Variants in ECT2L observed in about 807,000 individuals in gnomAD.
The protein encoded by ECT2L is epithelial cell-transforming sequence 2 oncogene-like.
Under a neutral mutation model 122.8 loss-of-function variants are expected in ECT2L, and 126 were observed. The ratio of observed to expected loss-of-function variants is 1.03; its 90% CI spans 0.89 to 1.19. The LOEUF (loss-of-function observed/expected upper bound fraction) is 1.19, where lower values mean the gene tolerates loss of function less well. ECT2L is among the 50% of genes most tolerant of loss of function. The pLI is 0.00. For missense variants in ECT2L, 1,012 were observed against 1,064.1 expected, an observed-to-expected ratio of 0.95 and a Z score of 0.68; for synonymous variants, 385 against 381.8, an observed-to-expected ratio of 1.01 and a Z score of -0.10.
chr6:138,856,946 T>A (rs1176895336), intron 10 of ECT2L, among the ~76,000 whole-genome samples: 1 of 152,210 alleles, frequency 6.6e-6, no homozygotes, highest in African/African-American at 2.4e-5. Flanking sequence ...ACCTTTTACT[T>A]CGCCAAGCAA....
intron 12 of ECT2L, 46 bp downstream of exon 12, chr6:138,865,224 T>C (rs1777990705): frequency 6.6e-7 from 1 of 1,526,266 alleles, no homozygotes; most frequent in African/African-American, 1.4e-5. Context: ...ATGAAGTTGC[T>C]TTCATATCCC....
intron 7 of ECT2L, among the ~76,000 whole-genome samples, chr6:138,845,118 C>T (rs138993515): frequency 5.3e-5 from 8 of 152,024 alleles, no homozygotes; most frequent in South Asian, 2.1e-4. Flanking sequence ...AGAGAAACAT[C>T]GGCTGTATTC....
intron 3 of ECT2L, among the ~76,000 whole-genome samples, chr6:138,813,897 T>C (rs1775985516): frequency 6.6e-6 from 1 of 152,186 alleles, no homozygotes; most frequent in Admixed American, 6.5e-5. Context: ...TGACCTATGA[T>C]AATAACAGTG....
chr6:138,900,410 C>T (rs1331832078), intron 20 of ECT2L, among the ~76,000 whole-genome samples: 1 of 152,068 alleles, frequency 6.6e-6, no homozygotes, highest in African/African-American at 2.4e-5. Flanking sequence ...CCATGCATGG[C>T]TAATTTTTGT....
intron 4 of ECT2L, among the ~76,000 whole-genome samples, chr6:138,818,012 G>C (rs1776127350): frequency 6.6e-6 from 1 of 152,182 alleles, no homozygotes; most frequent in South Asian, 2.1e-4. Context: ...TGAGGAGTTT[G>C]AATCAGTCCC....
intron 10 of ECT2L, among the ~76,000 whole-genome samples, chr6:138,855,592 T>A (rs1465024871): frequency 1.3e-5 from 2 of 152,260 alleles, no homozygotes; most frequent in Non-Finnish European, 2.9e-5. Flanking sequence ...ATGTGTTTTA[T>A]AATTTTTCTA....
intron 1 of ECT2L, among the ~76,000 whole-genome samples, chr6:138,798,284 G>C (rs1775414678): frequency 6.6e-6 from 1 of 152,192 alleles, no homozygotes; most frequent in Non-Finnish European, 1.5e-5. Flanking sequence ...AGAGGATGGA[G>C]CTGAAAGTTC....
At chr6:138,813,443 A>G (rs543778774) in intron 3 of ECT2L, 103 bp downstream of exon 3, 2 of 865,012 alleles carry the variant, frequency 2.3e-6, no homozygotes, top group Admixed American at 3.0e-5. Context: ...AAAACTCTCT[A>G]AAGAATTTAG....
chr6:138,890,492 C>CTTTTTTTTTTTTTTTTTTTTTTT lies in ECT2L; in HGVS notation c.2414+1467_2414+1489dup, dbSNP rs552594959. 2.3e-4 allele frequency among the ~76,000 whole-genome samples: 18 copies of CTTTTTTTTTTTTTTTTTTTTTTT among 78,986 alleles called. 4 individuals are homozygous for CTTTTTTTTTTTTTTTTTTTTTTT. The highest frequency in any genetic ancestry group is 1.3e-3 in the East Asian group (2 of 1,558). The allele number at this position is 78,986 out of a possible 152,430, so 51.8% of individuals were successfully genotyped here. A position where few individuals can be genotyped will look rare whatever the true frequency, so the allele number is the denominator to read the frequency against. Reference sequence around the variant, plus strand: ...TCATGACATTTTTGTTTTCTTTGATCTTTTTTTTTTTTTTTTTTTTTTTTT... The same window carrying CTTTTTTTTTTTTTTTTTTTTTTT: ...TCATGACATTTTTGTTTTCTTTGATCTTTTTTTTTTTTTTTTTTTTTTTTTTTTTTTTTTTTTTTTTTTTTTTT... On this transcript the variant is annotated intron_variant, in intron 20 of 21. Transcript: ENST00000541398.
intron 5 of ECT2L, among the ~76,000 whole-genome samples, chr6:138,841,079 G>A (rs75830647): frequency 0.025 from 3,786 of 152,122 alleles, 60 homozygotes; most frequent in African/African-American, 0.037. Context: ...TTCAGTTACT[G>A]TATATTTTCA....
At chr6:138,868,012 A>G (rs1053401675) in intron 12 of ECT2L, 91 bp from the exon 13 acceptor site, 7 of 809,416 alleles carry the variant, frequency 8.6e-6, no homozygotes, top group South Asian at 2.2e-5. Context: ...AAAAAAAAAA[A>G]AAAAAAAGAA....
intron 20 of ECT2L, among the ~76,000 whole-genome samples, chr6:138,889,321 TTTTC>T (rs1778936716): frequency 2.0e-5 from 3 of 152,070 alleles, no homozygotes; most frequent in African/African-American, 4.8e-5. Context: ...CACTTTTCTT[TTTTC>T]TTTTTCTTTT....
chr6:138,844,277 C>T (rs1325597691), intron 6 of ECT2L, 135 bp from the exon 7 acceptor site: 1 of 971,340 alleles, frequency 1.0e-6, no homozygotes, highest in African/African-American at 1.6e-5. Flanking sequence ...AAACCGAGTG[C>T]ATGAAAATGG....
intron 1 of ECT2L, among the ~76,000 whole-genome samples, chr6:138,803,881 C>A (rs1337119946): frequency 2.0e-5 from 3 of 152,206 alleles, no homozygotes; most frequent in African/African-American, 7.2e-5. Flanking sequence ...AGAGGCACTG[C>A]AAATGTCTGT....
Position 138,842,607 on chromosome 6 carries a change from TA to T in ECT2L, c.343-365del, listed in dbSNP as rs569392642. On this transcript the variant is annotated intron_variant, in intron 5 of 21. Coordinates refer to ENST00000541398, the MANE Select transcript of ECT2L (RefSeq NM_001077706.3). ...TAACACGGTGAAACCTCGTCTCTAC[TA>T]AAAAAACAAAAAAATTAGCCAGGCG... Among the ~76,000 whole-genome samples, 219 of 151,558 alleles carry T rather than the reference TA, an allele frequency of 1.4e-3. 2 individuals are homozygous for T. The highest frequency in any genetic ancestry group is 3.4e-3 in the Middle Eastern group (1 of 292).
intron 4 of ECT2L, among the ~76,000 whole-genome samples, chr6:138,827,298 A>C (rs1468769889): frequency 1.3e-5 from 2 of 152,062 alleles, no homozygotes; most frequent in African/African-American, 4.8e-5. Context: ...TAGTGAGCTG[A>C]GATCGTGCCA....
chr6:138,869,499 TG>T (rs1778168487), intron 13 of ECT2L, among the ~76,000 whole-genome samples: 1 of 152,190 alleles, frequency 6.6e-6, no homozygotes, highest in Non-Finnish European at 1.5e-5. Context: ...AGCTGTAGTT[TG>T]TCTCCTGTGA....
At chr6:138,887,963 G>A (rs937078181) in intron 19 of ECT2L, among the ~76,000 whole-genome samples, 3 of 152,096 alleles carry the variant, frequency 2.0e-5, no homozygotes, top group Non-Finnish European at 4.4e-5. Context: ...CATGAAACTG[G>A]GAGCTCCATC....
At chr6:138,899,931 G>A (rs1307879225) in intron 20 of ECT2L, among the ~76,000 whole-genome samples, 2 of 152,192 alleles carry the variant, frequency 1.3e-5, no homozygotes, top group African/African-American at 2.4e-5. Context: ...CTAGAGCACA[G>A]TGAGGCCTGC....
Sources: allele counts gnomAD v4.1 joint callset (sites outside exome capture counted in the v4.1 genomes callset), GRCh38; gene constraint gnomAD v4.1.1; transcripts MANE v1.5; gene names NCBI Gene and HGNC (gene_info 2026-07-23, HGNC 2026-07-21).